Variants in FEZ2 observed in about 807,000 individuals in gnomAD.
FEZ2 encodes the protein fasciculation and elongation protein zeta-2.
Under a neutral mutation model 40.4 loss-of-function variants are expected in FEZ2, and 51 were observed. The observed-to-expected ratio is 1.26, with a 90% confidence interval of 1.01 to 1.59. The LOEUF (loss-of-function observed/expected upper bound fraction) is 1.59. Ranked by LOEUF, FEZ2 falls within the 40% of genes most tolerant of loss-of-function variation. The pLI is 0.00. For synonymous variants in FEZ2, 242 were observed against 172.0 expected (o/e 1.41, Z -3.18); for missense variants, 640 against 438.3 (o/e 1.46, Z -4.11).
intron 2 of FEZ2, among the ~76,000 whole-genome samples, chr2:36,588,177 C>T (rs371268037): frequency 1.3e-5 from 2 of 151,960 alleles, no homozygotes; most frequent in Non-Finnish European, 2.9e-5. Flanking sequence ...TACAGGCATG[C>T]GCCACCACGC....
chr2:36,554,086 A>G (rs1667893402), intron 7 of FEZ2: 1 of 375,386 alleles, frequency 2.7e-6, no homozygotes, highest in Non-Finnish European at 5.5e-6. Context: ...CAGTCCTCAC[A>G]ATACAAAGCC....
chr2:36,566,090 T>C (rs1558444807), intron 5 of FEZ2, among the ~76,000 whole-genome samples: 1 of 152,152 alleles, frequency 6.6e-6, no homozygotes, highest in Non-Finnish European at 1.5e-5. Context: ...CAACTGTGGA[T>C]CAATTAATGT....
Position 36,598,090 on chromosome 2 carries a change from C to T in FEZ2, c.53G>A (p.Arg18Gln), listed in dbSNP as rs1286516275. ...ACAGTTCTCCTGGTCCAGGAGGCTC[C>T]GGGCCGGCTCCTGGAACTCATAGAA... ...QDFYEFQEPA[R>Q]SLLDQENCNA... Residue 18 changes from arginine to glutamine, a missense_variant, in exon 1 of 8, where the codon CGG becomes CAG. Coordinates refer to ENST00000405912, the MANE Select transcript of FEZ2 (RefSeq NM_005102.3). 7.3e-6 allele frequency: 11 copies of T among 1,496,634 alleles called. No homozygotes were observed. Among genetic ancestry groups the T allele is most frequent in the African/African-American group, 2.9e-5 (2 of 68,526 alleles). 92.7% of individuals were successfully genotyped at this position (1,496,634 alleles called of 1,614,324 possible). A position where few individuals can be genotyped will look rare whatever the true frequency, so the allele number is the denominator to read the frequency against.
Position 36,585,607 on chromosome 2 carries a change from A to T in FEZ2, c.376-2138T>A, listed in dbSNP as rs536714763. 3.8e-4 allele frequency among the ~76,000 whole-genome samples: 58 copies of T among 152,368 alleles called. 2 individuals are homozygous for T. In the South Asian group the frequency reaches 0.012, roughly 32 times the overall value. On this transcript the variant is annotated intron_variant, in intron 2 of 7. Transcript: ENST00000405912. ...TTGAGGCTGAACTGGTCAGCTAATT[A>T]TAAACTAAATAAACCACAAAAAGGC...
At chr2:36,581,933 T>G (rs1217646450) in intron 3 of FEZ2, among the ~76,000 whole-genome samples, 6 of 152,124 alleles carry the variant, frequency 3.9e-5, no homozygotes, top group Admixed American at 3.3e-4. Flanking sequence ...CAGCAAAATA[T>G]TCTTTCAACA....
chr2:36,587,095 G>A (rs1202814885), intron 2 of FEZ2, among the ~76,000 whole-genome samples: 1 of 152,228 alleles, frequency 6.6e-6, no homozygotes, highest in Admixed American at 6.5e-5. Context: ...TTCTTAAGCT[G>A]AAATGAATGA....
At chr2:36,564,246 G>A (rs1014260823) in intron 5 of FEZ2, among the ~76,000 whole-genome samples, 5 of 152,040 alleles carry the variant, frequency 3.3e-5, no homozygotes, top group East Asian at 1.9e-4. Context: ...ATGGCCTATT[G>A]ACAAGCCTAT....
At chr2:36,593,673 C>T (rs191178189) in intron 1 of FEZ2, among the ~76,000 whole-genome samples, 4 of 152,022 alleles carry the variant, frequency 2.6e-5, no homozygotes, top group South Asian at 2.1e-4. Context: ...GCCCAGCTCA[C>T]GAAACCACTT....
intron 5 of FEZ2, among the ~76,000 whole-genome samples, chr2:36,561,161 T>A (rs1668083138): frequency 6.6e-6 from 1 of 152,276 alleles, no homozygotes; most frequent in Non-Finnish European, 1.5e-5. Context: ...ATATTTGTTC[T>A]ATACAAAATT....
intron 5 of FEZ2, among the ~76,000 whole-genome samples, chr2:36,560,599 C>G (rs1668068892): frequency 6.6e-6 from 1 of 152,178 alleles, no homozygotes. Flanking sequence ...TTGAAAAATG[C>G]TTTTTCCTCA....
At chr2:36,560,314 T>C (rs1668059401) in intron 5 of FEZ2, among the ~76,000 whole-genome samples, 1 of 152,160 alleles carries the variant, frequency 6.6e-6, no homozygotes, top group Non-Finnish European at 1.5e-5. Flanking sequence ...ACACATGAAT[T>C]TCATTTAAAG....
At chr2:36,573,042 G>T (rs1668461335) in intron 5 of FEZ2, among the ~76,000 whole-genome samples, 1 of 151,982 alleles carries the variant, frequency 6.6e-6, no homozygotes, top group South Asian at 2.1e-4. Flanking sequence ...CCCAAAAGTT[G>T]TCCGTATAAA....
chr2:36,573,000 C>T lies in FEZ2; in HGVS notation c.903+5597G>A, dbSNP rs554408620. On this transcript the variant is annotated intron_variant, in intron 5 of 7. Transcript: ENST00000405912. ...GATTCTTTTTACAGTTTTTTCTTTT[C>T]TCTACTACCGTTAGTCACTGATTGC... Among the ~76,000 whole-genome samples the T allele has an allele frequency of 9.2e-5, 14 of 152,242 alleles. 1 individual carries two copies. The South Asian group carries it at 2.9e-3, about 32-fold the overall frequency.
chr2:36,582,587 G>A (rs763354052), intron 3 of FEZ2, among the ~76,000 whole-genome samples: 28 of 152,220 alleles, frequency 1.8e-4, no homozygotes, highest in Middle Eastern at 3.4e-3. Flanking sequence ...GCTTTTTTAA[G>A]CACCACATTC....
At chr2:36,590,613 A>C in intron 2 of FEZ2, 1 of 259,962 alleles carries the variant, frequency 3.8e-6, no homozygotes, top group Non-Finnish European at 7.3e-6. Flanking sequence ...GGTTGTAGTA[A>C]GCCACTGTAC....
In FEZ2 at chr2:36,552,542, G is replaced by A; in HGVS notation, c.*621C>T. 1 of 236,650 alleles carries A rather than the reference G, an allele frequency of 4.2e-6. No individual in the cohort carries two copies. The highest frequency in any genetic ancestry group is 8.4e-6 in the Non-Finnish European group (1 of 118,658). The allele number at this position is 236,650 out of a possible 1,614,324, so 14.7% of individuals were successfully genotyped here. On this transcript the variant is annotated 3_prime_UTR_variant, in exon 8 of 8. Transcript: ENST00000405912. ...AAATACAAGATTCTAAAAGTGAATGGCAATTTAATGGTTAAAATTTGACCA... is the reference window on the plus strand; with the variant it reads ...AAATACAAGATTCTAAAAGTGAATGACAATTTAATGGTTAAAATTTGACCA...
chr2:36,569,298 T>C (rs1028566055), intron 5 of FEZ2, among the ~76,000 whole-genome samples: 1 of 152,100 alleles, frequency 6.6e-6, no homozygotes, highest in Admixed American at 6.6e-5. Flanking sequence ...CAAAGAGAAA[T>C]AACCACACCT....
intron 5 of FEZ2, among the ~76,000 whole-genome samples, chr2:36,576,517 C>G (rs1160982022): frequency 6.6e-6 from 1 of 152,142 alleles, no homozygotes; most frequent in Admixed American, 6.5e-5. Context: ...GTGATCCGCC[C>G]ACCTTGGCCT....
chr2:36,596,534 G>A (rs563298545), intron 1 of FEZ2, among the ~76,000 whole-genome samples: 96 of 152,316 alleles, frequency 6.3e-4, no homozygotes, highest in African/African-American at 2.1e-3. Context: ...ATGGCTCACT[G>A]CAACCTTCGC....
Sources: allele counts gnomAD v4.1 joint callset (sites outside exome capture counted in the v4.1 genomes callset), GRCh38; gene constraint gnomAD v4.1.1; transcripts MANE v1.5; gene names NCBI Gene and HGNC (gene_info 2026-07-23, HGNC 2026-07-21).